Variants in RAPGEF5 observed in about 807,000 individuals in gnomAD.
RAPGEF5 encodes M-Ras-regulated GEF.
In RAPGEF5, 65 loss-of-function variants were observed where a neutral mutation model predicts 125.2. The ratio of observed to expected loss-of-function variants is 0.52; its 90% CI spans 0.43 to 0.64. The LOEUF is 0.64. RAPGEF5 is among the 30% of genes least tolerant of loss of function. RAPGEF5 has a pLI of 0.00. For missense variants in RAPGEF5, 958 were observed against 1,048.1 expected, an observed-to-expected ratio of 0.91 and a Z score of 1.19; for synonymous variants, 391 against 385.9, an observed-to-expected ratio of 1.01 and a Z score of -0.16.
intron 11 of RAPGEF5, among the ~76,000 whole-genome samples, chr7:22,187,710 G>A (rs191854810): frequency 1.3e-5 from 2 of 152,318 alleles, no homozygotes. Context: ...CAGAACTCCA[G>A]GACAGGGGCC....
intron 9 of RAPGEF5, among the ~76,000 whole-genome samples, chr7:22,202,427 A>G (rs1011512606): frequency 3.3e-5 from 5 of 152,294 alleles, no homozygotes; most frequent in Non-Finnish European, 7.3e-5. Flanking sequence ...TGGGAGAATA[A>G]AAATACACTC....
chr7:22,308,131 G>A (rs1326954507), intron 5 of RAPGEF5, among the ~76,000 whole-genome samples: 2 of 152,164 alleles, frequency 1.3e-5, no homozygotes, highest in Non-Finnish European at 2.9e-5. Flanking sequence ...GTTAGGCATA[G>A]GCTTCTGGGA....
At position 22,140,123 on chromosome 7, in the gene RAPGEF5, A is replaced by G; in HGVS notation, c.2187-8T>C. 6.5e-7 allele frequency: 1 copy of G among 1,549,922 alleles called. No individual in the cohort carries two copies. The highest frequency in any genetic ancestry group is 8.7e-7 in the Non-Finnish European group (1 of 1,144,578). ...TTTCTCTGGGCTTTGCAGCTATAAA[A>G]TAAAAGAGAGTAGAGGACACTTTGA... is the stretch of plus-strand genomic sequence containing the variant. On this transcript the variant is annotated splice_region_variant and splice_polypyrimidine_tract_variant and intron_variant, in intron 20 of 25. Coordinates refer to ENST00000665637, the MANE Select transcript of RAPGEF5 (RefSeq NM_012294.5).
intron 9 of RAPGEF5, among the ~76,000 whole-genome samples, chr7:22,199,322 G>A (rs767298040): frequency 1.4e-4 from 22 of 152,016 alleles, no homozygotes; most frequent in Non-Finnish European, 2.8e-4. Flanking sequence ...AGCTAAACAC[G>A]GCAGGGACCG....
At chr7:22,291,348 C>G (rs1782931319) in intron 5 of RAPGEF5, 107 bp from the exon 6 acceptor site, 2 of 1,410,794 alleles carry the variant, frequency 1.4e-6, no homozygotes, top group Admixed American at 5.8e-5. Flanking sequence ...ATTATATTAG[C>G]AAAAGTACTC....
intron 6 of RAPGEF5, among the ~76,000 whole-genome samples, chr7:22,274,790 C>T (rs1412344918): frequency 6.6e-6 from 1 of 152,168 alleles, no homozygotes; most frequent in Admixed American, 6.5e-5. Flanking sequence ...TTTCTCTCTC[C>T]ATCCCACATC....
At chr7:22,193,593 T>G in intron 10 of RAPGEF5, 138 bp from the exon 11 acceptor site, 2 of 1,551,142 alleles carry the variant, frequency 1.3e-6, no homozygotes, top group Non-Finnish European at 1.7e-6. Flanking sequence ...GCTCTCGGTC[T>G]GAGAGCGCCG....
intron 1 of RAPGEF5, among the ~76,000 whole-genome samples, chr7:22,333,704 C>T (rs10950898): frequency 0.21 from 31,947 of 151,114 alleles, 3,420 homozygotes; most frequent in Middle Eastern, 0.25. Context: ...GTGGGATTTG[C>T]GCGCAGGCAC....
At chr7:22,234,236 AC>A (rs1382279370) in intron 7 of RAPGEF5, among the ~76,000 whole-genome samples, 9 of 152,188 alleles carry the variant, frequency 5.9e-5, no homozygotes, top group African/African-American at 2.2e-4. Context: ...AAATAAAAAC[AC>A]AATTTCTCTC....
chr7:22,162,054 T>A (rs1784018648), intron 13 of RAPGEF5, among the ~76,000 whole-genome samples: 2 of 152,378 alleles, frequency 1.3e-5, no homozygotes, highest in Non-Finnish European at 2.9e-5. Flanking sequence ...ACATTGTCAA[T>A]ATAGTTTTTA....
chr7:22,144,781 G>A (rs1783376807), intron 20 of RAPGEF5, among the ~76,000 whole-genome samples: 1 of 152,174 alleles, frequency 6.6e-6, no homozygotes, highest in Admixed American at 6.5e-5. Flanking sequence ...CAGGATGAAG[G>A]ATGTGTGTAC....
chr7:22,308,420 C>G lies in RAPGEF5; in HGVS notation c.599G>C (p.Arg200Thr). Reference protein sequence around the residue: ...ECSYLYCEFEREEEWQNGVKL... With the variant: ...ECSYLYCEFETEEEWQNGVKL... ...GACACCATTTTGCCATTCTTCTTCT[C>G]TTTCAAATTCACAGTACAAGTAGCT... The change falls in exon 5 of 26, where the codon AGA (arginine) becomes ACA (threonine). Residue 200 changes from arginine (R) to threonine (T), a missense_variant. Coordinates refer to ENST00000665637, the MANE Select transcript of RAPGEF5 (RefSeq NM_012294.5). 1.3e-6 allele frequency: 2 copies of G among 1,582,036 alleles called. No individual in the cohort carries two copies. The highest frequency in any genetic ancestry group is 1.7e-6 in the Non-Finnish European group (2 of 1,162,426).
chr7:22,202,926 G>A (rs1171008076), intron 9 of RAPGEF5: 1 of 366,662 alleles, frequency 2.7e-6, no homozygotes, highest in Non-Finnish European at 5.5e-6. Context: ...ATAGAGGGCA[G>A]AAAAATATAC....
At chr7:22,258,645 A>C (rs1472899853) in intron 7 of RAPGEF5, among the ~76,000 whole-genome samples, 1 of 150,826 alleles carries the variant, frequency 6.6e-6, no homozygotes, top group African/African-American at 2.4e-5. Context: ...AAAAAAAAAA[A>C]AAAAGAATAG....
intron 7 of RAPGEF5, among the ~76,000 whole-genome samples, chr7:22,242,448 A>G (rs1286829306): frequency 3.3e-5 from 5 of 152,142 alleles, no homozygotes; most frequent in African/African-American, 1.2e-4. Context: ...AGTTCTGCCA[A>G]TATGGGGTGG....
chr7:22,257,503 G>A (rs1782027170), intron 7 of RAPGEF5, among the ~76,000 whole-genome samples: 1 of 152,110 alleles, frequency 6.6e-6, no homozygotes, highest in South Asian at 2.1e-4. Context: ...GCTCACTATT[G>A]TATCCTGTGT....
rs566293835 is a variant in RAPGEF5, at chr7:22,271,876, C to T, written c.748-4864G>A. Among the ~76,000 whole-genome samples the T allele has an allele frequency of 3.3e-5, 5 of 152,288 alleles. No homozygotes were observed. In the South Asian group the frequency reaches 1.0e-3, roughly 32 times the overall value. ...TTTTTCCTCTGGCAGTTTAGTAGTG[C>T]CTTTGGTCTTAAAATCCAAAGGCTC... On this transcript the variant is annotated intron_variant, in intron 6 of 25. Transcript: ENST00000665637.
intron 1 of RAPGEF5, among the ~76,000 whole-genome samples, chr7:22,325,092 C>G (rs1783787726): frequency 6.6e-6 from 1 of 152,174 alleles, no homozygotes; most frequent in Non-Finnish European, 1.5e-5. Flanking sequence ...TTCTGCCCTA[C>G]AGTCAATCCA....
At chr7:22,288,526 C>CT (rs56683554) in intron 6 of RAPGEF5, among the ~76,000 whole-genome samples, 131 of 142,426 alleles carry the variant, frequency 9.2e-4, no homozygotes, top group Middle Eastern at 3.6e-3. Context: ...CTTTTCTTTT[C>CT]TTTTTTTTTT....
Sources: allele counts gnomAD v4.1 joint callset (sites outside exome capture counted in the v4.1 genomes callset), GRCh38; gene constraint gnomAD v4.1.1; transcripts MANE v1.5; gene names NCBI Gene and HGNC (gene_info 2026-07-23, HGNC 2026-07-21).